Variants in PACRGL observed in about 807,000 individuals in gnomAD.
PACRGL encodes the protein parkin coregulated like.
A neutral mutation model predicts 34.5 loss-of-function variants in PACRGL; 38 were observed. The observed-to-expected ratio is 1.10, with a 90% CI of 0.85 to 1.44. The LOEUF is 1.44. PACRGL is among the 40% of genes most tolerant of loss of function. The probability of loss-of-function intolerance (pLI) is 0.00; values close to 1 mark genes in which losing one functional copy is unlikely to be tolerated. For synonymous variants in PACRGL, 128 were observed against 100.1 expected, an observed-to-expected ratio of 1.28 and a Z score of -1.66; for missense variants, 305 against 281.4, an observed-to-expected ratio of 1.08 and a Z score of -0.60.
In PACRGL at chr4:20,707,790, T is replaced by C. The variant is rs1339541171; in HGVS notation, c.208-13T>C. ...AGTATAGGTGATAGTAATATTTTCATTTTTTATTTTAGTTTGGTGAACAGT... is the reference window on the plus strand; with the variant it reads ...AGTATAGGTGATAGTAATATTTTCACTTTTTATTTTAGTTTGGTGAACAGT... On this transcript the variant is annotated splice_polypyrimidine_tract_variant and intron_variant, in intron 3 of 8. Transcript: ENST00000503585. 6.2e-7 allele frequency: 1 copy of C among 1,611,178 alleles called. No homozygotes were observed. The highest frequency in any genetic ancestry group is 1.1e-5 in the South Asian group (1 of 90,980).
Position 20,714,007 on chromosome 4 carries a change from A to G in PACRGL, c.609+468A>G, listed in dbSNP as rs939866389. On this transcript the variant is annotated intron_variant, in intron 7 of 8. Coordinates refer to ENST00000503585, the MANE Select transcript of PACRGL (RefSeq NM_001258345.3). ...GGGGTGGAGAGTTCTGTAGATGTCTATTAGGTCTGCTTGGTGCAGAGGTGA... is the reference window on the plus strand; with the variant it reads ...GGGGTGGAGAGTTCTGTAGATGTCTGTTAGGTCTGCTTGGTGCAGAGGTGA... Among the ~76,000 whole-genome samples the G allele has an allele frequency of 4.6e-5, 7 of 152,094 alleles. No individual in the cohort carries two copies. The South Asian group carries it at 6.2e-4, about 14-fold the overall frequency.
rs1248216448 is a variant in PACRGL, at chr4:20,731,655, A to ATGAT, written c.*4315_*4318dup. On this transcript the variant is annotated 3_prime_UTR_variant, in exon 9 of 9. Coordinates refer to ENST00000503585, the MANE Select transcript of PACRGL (RefSeq NM_001258345.3). ...CTAGGAATTCTAATGCTGTGGAGAT[A>ATGAT]TGATAGATAATATATGAGTGATGCT... The ATGAT allele has an allele frequency of 1.0e-6, 1 of 985,154 alleles. No homozygotes were observed. The highest frequency in any genetic ancestry group is 1.7e-5 in the African/African-American group (1 of 57,238). The allele number at this position is 985,154 out of a possible 1,614,324, so 61.0% of individuals were successfully genotyped here.
At chr4:20,740,417 C>T (rs1750782704) in intron 8 of PACRGL, among the ~76,000 whole-genome samples, 1 of 152,084 alleles carries the variant, frequency 6.6e-6, no homozygotes, top group Non-Finnish European at 1.5e-5. Flanking sequence ...AGAGTGGGGG[C>T]CAATATTCAA....
At position 20,731,945 on chromosome 4, in the gene PACRGL, T is replaced by TAATA; in HGVS notation, c.*4605_*4608dup. 1.2e-6 allele frequency: 2 copies of TAATA among 1,603,350 alleles called. No individual in the cohort carries two copies. The highest frequency in any genetic ancestry group is 2.2e-5 in the East Asian group (1 of 44,672). ...CGCCCAGTTCATGGTAGCTAGCTGC[T>TAATA]AATACTCAGTTTAGCTGTTATGATA... On this transcript the variant is annotated 3_prime_UTR_variant, in exon 9 of 9. Coordinates refer to ENST00000503585, the MANE Select transcript of PACRGL (RefSeq NM_001258345.3).
In PACRGL at chr4:20,707,655, G is replaced by C. The variant is rs1182310337; in HGVS notation, c.208-148G>C. The stretch of plus-strand genomic sequence containing the variant: ...CAAGTGTGGTCGTGGTATTCTAGTA[G>C]AGAGAGGATTGACAGTTTTTCTCAA... On this transcript the variant is annotated intron_variant, in intron 3 of 8. Coordinates refer to ENST00000503585, the MANE Select transcript of PACRGL (RefSeq NM_001258345.3). 5 of 682,524 alleles carry C rather than the reference G, an allele frequency of 7.3e-6. No individual in the cohort carries two copies. In the Admixed American group the frequency reaches 1.0e-4, roughly 14 times the overall value. 42.3% of individuals were successfully genotyped at this position (682,524 alleles called of 1,614,324 possible).
intron 8 of PACRGL, among the ~76,000 whole-genome samples, chr4:20,743,008 G>T (rs1751520624): frequency 6.6e-6 from 1 of 151,356 alleles, no homozygotes; most frequent in South Asian, 2.1e-4. Flanking sequence ...AACTTATATG[G>T]GATGTGAAGG....
At chr4:20,733,967 C>A (rs1052688066), downstream of PACRGL, among the ~76,000 whole-genome samples, 3 of 152,070 alleles carry the variant, frequency 2.0e-5, no homozygotes, top group Non-Finnish European at 4.4e-5. Context: ...GCCTCTTGCT[C>A]AAAACTCAAT....
At position 20,730,070 on chromosome 4, in the gene PACRGL, C is replaced by G; in HGVS notation, c.*2729C>G. 6.2e-7 allele frequency: 1 copy of G among 1,605,738 alleles called. No individual in the cohort carries two copies. ...CACATTTGTCTGTTGGATTCAGGAT[C>G]TATTTGACAAGTTAAATCACATTTT... On this transcript the variant is annotated 3_prime_UTR_variant, in exon 9 of 9. Coordinates refer to ENST00000503585, the MANE Select transcript of PACRGL (RefSeq NM_001258345.3).
chr4:20,760,090 C>G, the PACRGL span, among the ~76,000 whole-genome samples: 1 of 152,084 alleles, frequency 6.6e-6, no homozygotes, highest in Non-Finnish European at 1.5e-5. Flanking sequence ...ATAAGTGGAC[C>G]CACACACTTC....
chr4:20,749,566 C>A, intron 8 of PACRGL: 1 of 808,144 alleles, frequency 1.2e-6, no homozygotes, highest in Non-Finnish European at 2.0e-6. Flanking sequence ...GCTTTCTTTC[C>A]CCTGAGCAAA....
rs1334572457 is a variant in PACRGL, at chr4:20,731,149, A to G, written c.*3808A>G. 6.6e-6 allele frequency among the ~76,000 whole-genome samples: 1 copy of G among 152,200 alleles called. No homozygotes were observed. The highest frequency in any genetic ancestry group is 2.4e-5 in the African/African-American group (1 of 41,452). On this transcript the variant is annotated 3_prime_UTR_variant, in exon 9 of 9. Coordinates refer to ENST00000503585, the MANE Select transcript of PACRGL (RefSeq NM_001258345.3). ...CATCATTCTGGAGTGCAGTGGCACA[A>G]TCATGGCTCAACAGGGATCAAGTGA...
chr4:20,745,703 T>G (rs565872022), intron 8 of PACRGL, among the ~76,000 whole-genome samples: 1 of 152,324 alleles, frequency 6.6e-6, no homozygotes, highest in East Asian at 1.9e-4. Flanking sequence ...GATTTGACTT[T>G]ATAATAGCCT....
At chr4:20,710,396 A>C (rs1371743983) in intron 5 of PACRGL, among the ~76,000 whole-genome samples, 1 of 152,186 alleles carries the variant, frequency 6.6e-6, no homozygotes, top group Non-Finnish European at 1.5e-5. Flanking sequence ...TTTTATTCTT[A>C]GAGTTAGAAG....
chr4:20,763,363 G>A, the PACRGL span, among the ~76,000 whole-genome samples: 2 of 152,172 alleles, frequency 1.3e-5, no homozygotes, highest in Non-Finnish European at 2.9e-5. Context: ...GTACAGATCA[G>A]CTGATGGTTC....
At chr4:20,705,356 T>C (rs965478509) in intron 3 of PACRGL, among the ~76,000 whole-genome samples, 1 of 152,124 alleles carries the variant, frequency 6.6e-6, no homozygotes, top group Non-Finnish European at 1.5e-5. Context: ...TGCCCAACTT[T>C]GGTAGGGTGA....
intron 8 of PACRGL, among the ~76,000 whole-genome samples, chr4:20,739,010 C>A (rs765522934): frequency 1.3e-5 from 2 of 152,170 alleles, no homozygotes; most frequent in Non-Finnish European, 2.9e-5. Flanking sequence ...AGTCCGAGAT[C>A]GAACTGCAAG....
At position 20,727,267 on chromosome 4, in the gene PACRGL, A is replaced by T. The variant is rs368647165; in HGVS notation, c.691-18A>T. The stretch of plus-strand genomic sequence containing the variant: ...CTCTGCATGATACTAATGATGCTCA[A>T]TTTTTTTCTGTTGACAGGGGAGCCT... On this transcript the variant is annotated intron_variant, in intron 8 of 8. Transcript: ENST00000503585. 3.4e-5 allele frequency: 55 copies of T among 1,598,748 alleles called. No homozygotes were observed. Among genetic ancestry groups the T allele is most frequent in the Non-Finnish European group, 4.6e-5 (54 of 1,166,460 alleles).
intron 7 of PACRGL, among the ~76,000 whole-genome samples, chr4:20,718,557 C>T (rs941004365): frequency 2.6e-5 from 4 of 152,172 alleles, no homozygotes; most frequent in African/African-American, 9.7e-5. Flanking sequence ...CTGATTTTGA[C>T]AAAGTCCTTT....
chr4:20,712,194 TTTC>T (rs1260143748), intron 5 of PACRGL, among the ~76,000 whole-genome samples: 2 of 151,814 alleles, frequency 1.3e-5, no homozygotes, highest in East Asian at 1.9e-4. Flanking sequence ...TTATTTTCTC[TTTC>T]TTCTTATATT....
Sources: allele counts gnomAD v4.1 joint callset (sites outside exome capture counted in the v4.1 genomes callset), GRCh38; gene constraint gnomAD v4.1.1; transcripts MANE v1.5; gene names NCBI Gene and HGNC (gene_info 2026-07-23, HGNC 2026-07-21).